Variants in VEGFC observed in about 807,000 individuals in gnomAD.
VEGFC encodes vascular endothelial growth factor C, also known as FLT4 ligand DHM.
VEGFC carries 12 observed loss-of-function variants against 46.1 expected under a neutral mutation model. That is an observed-to-expected ratio of 0.26 (90% CI 0.17 to 0.42). The LOEUF (loss-of-function observed/expected upper bound fraction) is 0.42. Ranked by LOEUF, VEGFC falls within the 10% of genes least tolerant of loss-of-function variation. VEGFC has a pLI of 1.00. For synonymous variants in VEGFC, 232 were observed against 195.5 expected (o/e 1.19, Z -1.56); for missense variants, 488 against 529.4 (o/e 0.92, Z 0.77).
chr4:176,695,191 C>T (rs1411880090), intron 4 of VEGFC, among the ~76,000 whole-genome samples: 1 of 151,876 alleles, frequency 6.6e-6, no homozygotes, highest in African/African-American at 2.4e-5. Context: ...AATCCAGGAG[C>T]TGGTTTTTTG....
chr4:176,703,930 T>C (rs1197673300), intron 4 of VEGFC, among the ~76,000 whole-genome samples: 1 of 152,182 alleles, frequency 6.6e-6, no homozygotes, highest in Non-Finnish European at 1.5e-5. Context: ...TGAATTTCTT[T>C]CACTGTCTTG....
chr4:176,780,153 GC>G (rs1735886753), intron 1 of VEGFC, among the ~76,000 whole-genome samples: 3 of 152,054 alleles, frequency 2.0e-5, no homozygotes, highest in Admixed American at 2.0e-4. Context: ...GCAGAGGCGG[GC>G]AGGTCACCTG....
rs552371852 is a variant in VEGFC at position 176,697,999 on chromosome 4, G to C, written c.705-10072C>G. On this transcript the variant is annotated intron_variant, in intron 4 of 6. Coordinates refer to ENST00000618562, the MANE Select transcript of VEGFC (RefSeq NM_005429.5). ...GGGGACTGTTGTGGGGTGGAGGGAG[G>C]GGGAGGGATAGCATTGGGAGATATA... 6.6e-5 allele frequency among the ~76,000 whole-genome samples: 10 copies of C among 152,016 alleles called. No individual in the cohort carries two copies. The South Asian group carries it at 1.7e-3, about 25-fold the overall frequency.
intron 1 of VEGFC, among the ~76,000 whole-genome samples, chr4:176,778,332 G>A (rs1392802340): frequency 2.0e-5 from 3 of 151,986 alleles, no homozygotes; most frequent in Non-Finnish European, 2.9e-5. Context: ...ATTGCTATTT[G>A]CTCACAATTA....
At chr4:176,768,312 T>C (rs961962291) in intron 1 of VEGFC, among the ~76,000 whole-genome samples, 24 of 151,388 alleles carry the variant, frequency 1.6e-4, no homozygotes, top group Admixed American at 1.2e-3. Context: ...AAATGAAAAA[T>C]AATAGAGGAC....
intron 1 of VEGFC, among the ~76,000 whole-genome samples, chr4:176,775,065 C>T (rs1735792775): frequency 6.6e-6 from 1 of 152,076 alleles, no homozygotes. Context: ...TAACAATCTA[C>T]CAGATGGGAA....
chr4:176,792,286 A>G lies in VEGFC; in HGVS notation c.26T>C (p.Val9Ala), dbSNP rs578119890. 1 of 1,536,396 alleles carries G rather than the reference A, an allele frequency of 6.5e-7. No homozygotes were observed. The highest frequency in any genetic ancestry group is 1.2e-5 in the South Asian group (1 of 84,560). ...CGCAGCGGCGAGCAGAGAACACGCC[A>G]CAGAGAAGAAGCCCAGCAAGTGCAT... MHLLGFFS[V>A]ACSLLAAALL... Residue 9 changes from valine (V) to alanine (A), a missense_variant, in exon 1 of 7, where the codon GTG becomes GCG. By Grantham distance (64) the Val-to-Ala change is moderately conservative. Transcript: ENST00000618562. The surrounding 1 kb of genome is among the most constrained non-coding windows in gnomAD (Gnocchi z 6.3).
At chr4:176,749,096 A>G (rs535580490) in intron 1 of VEGFC, among the ~76,000 whole-genome samples, 26 of 152,106 alleles carry the variant, frequency 1.7e-4, no homozygotes, top group African/African-American at 5.5e-4. Flanking sequence ...GAGTGAATGG[A>G]AGCTAGAGCT....
chr4:176,777,260 T>C (rs974038170), intron 1 of VEGFC, among the ~76,000 whole-genome samples: 2 of 152,126 alleles, frequency 1.3e-5, no homozygotes, highest in Non-Finnish European at 2.9e-5. Context: ...GAGCTTGCAG[T>C]GAGCCGAGAT....
intron 6 of VEGFC, among the ~76,000 whole-genome samples, chr4:176,686,120 T>G (rs1734037673): frequency 6.6e-6 from 1 of 152,130 alleles, no homozygotes; most frequent in African/African-American, 2.4e-5. Context: ...GTCTGAAAAT[T>G]AAGTAGACAA....
chr4:176,792,399 T>C lies in VEGFC; in HGVS notation c.-88A>G. 1.9e-6 allele frequency: 2 copies of C among 1,071,022 alleles called. No homozygotes were observed. Among genetic ancestry groups the C allele is most frequent in the South Asian group, 4.2e-5 (2 of 47,510 alleles). 66.3% of individuals were successfully genotyped at this position (1,071,022 alleles called of 1,614,324 possible). A position where few individuals can be genotyped will look rare whatever the true frequency, so the allele number is the denominator to read the frequency against. ...CCCCTGCGAGGCCGCGGGCCCCTCC[T>C]GGTCCCTCTCCCCCGGGCTCCTCCC... On this transcript the variant is annotated 5_prime_UTR_variant, in exon 1 of 7. Transcript: ENST00000618562. The surrounding 1 kb of genome is among the most constrained non-coding windows in gnomAD (Gnocchi z 6.3).
At chr4:176,709,032 A>C (rs1479979328) in intron 4 of VEGFC, among the ~76,000 whole-genome samples, 1 of 152,138 alleles carries the variant, frequency 6.6e-6, no homozygotes, top group Non-Finnish European at 1.5e-5. Flanking sequence ...TTACTCTAAG[A>C]CTCAGGCTCT....
intron 4 of VEGFC, among the ~76,000 whole-genome samples, chr4:176,693,696 T>C (rs1184896637): frequency 2.8e-5 from 4 of 142,972 alleles, no homozygotes; most frequent in Admixed American, 2.7e-4. Flanking sequence ...AAAGTTGAAA[T>C]GAAGGAAAAA....
intron 4 of VEGFC, among the ~76,000 whole-genome samples, chr4:176,694,407 A>G (rs1734269748): frequency 1.3e-5 from 2 of 152,192 alleles, no homozygotes; most frequent in African/African-American, 4.8e-5. Context: ...TCGTAAAGGG[A>G]TCAATTCAAC....
At chr4:176,698,013 T>C (rs1463162313) in intron 4 of VEGFC, among the ~76,000 whole-genome samples, 3 of 151,826 alleles carry the variant, frequency 2.0e-5, no homozygotes, top group South Asian at 2.1e-4. Flanking sequence ...AGGGATAGCA[T>C]TGGGAGATAT....
intron 1 of VEGFC, among the ~76,000 whole-genome samples, chr4:176,737,494 T>C (rs1025932968): frequency 3.3e-5 from 5 of 150,732 alleles, no homozygotes; most frequent in Admixed American, 1.3e-4. Flanking sequence ...AGATAATTTA[T>C]GTCTTTTAGT....
chr4:176,745,639 G>A (rs1735248018), intron 1 of VEGFC, among the ~76,000 whole-genome samples: 1 of 152,038 alleles, frequency 6.6e-6, no homozygotes, highest in South Asian at 2.1e-4. Flanking sequence ...ACTATACTGG[G>A]ACCTGCTTGG....
At chr4:176,760,244 C>A (rs1735506269) in intron 1 of VEGFC, among the ~76,000 whole-genome samples, 1 of 152,014 alleles carries the variant, frequency 6.6e-6, no homozygotes, top group African/African-American at 2.4e-5. Context: ...GATATTTATG[C>A]TTTTTAGAAA....
In VEGFC at chr4:176,780,961, G is replaced by A. The variant is rs528608344; in HGVS notation, c.147+11204C>T. On this transcript the variant is annotated intron_variant, in intron 1 of 6. Coordinates refer to ENST00000618562, the MANE Select transcript of VEGFC (RefSeq NM_005429.5). The stretch of plus-strand genomic sequence containing the variant: ...AACTACACTGTGCTCTCATGGACAT[G>A]AGCACAAAGGTACATTTTTCTAAAG... 2.0e-5 allele frequency among the ~76,000 whole-genome samples: 3 copies of A among 152,236 alleles called. No individual in the cohort carries two copies. In the East Asian group the frequency reaches 5.8e-4, roughly 29 times the overall value.
Sources: gnomAD v4.1 joint callset for allele counts (sites outside exome capture counted in the v4.1 genomes callset) on GRCh38, gnomAD v4.1.1 for gene constraint, Gnocchi (gnomAD v3.1) non-coding constraint, MANE v1.5 for transcripts, NCBI Gene and HGNC (gene_info 2026-07-23, HGNC 2026-07-21) for gene names.